DLEC1: variants seen among roughly 807,000 people sequenced by gnomAD.
DLEC1 encodes the protein DLEC1 cilia and flagella associated protein.
In DLEC1, 146 loss-of-function variants were observed where a neutral mutation model predicts 198.1. That is an observed-to-expected ratio of 0.74 (90% CI 0.64 to 0.85). The LOEUF is 0.85. Among genes scored for constraint, DLEC1 ranks in the 40% least tolerant of loss-of-function variants. The probability of loss-of-function intolerance (pLI) is 0.00; values close to 1 mark genes in which losing one functional copy is unlikely to be tolerated. For synonymous variants in DLEC1, 897 were observed against 866.8 expected (o/e 1.03, Z -0.61); for missense variants, 2,233 against 2,220.0 (o/e 1.01, Z -0.12).
At chr3:38,043,486 C>T (rs748583717) in intron 1 of DLEC1, among the ~76,000 whole-genome samples, 2 of 152,204 alleles carry the variant, frequency 1.3e-5, no homozygotes, top group African/African-American at 2.4e-5. Flanking sequence ...AGGCCACTGT[C>T]TCCTGAAAAA....
Position 38,100,286 on chromosome 3 carries a change from G to A in DLEC1, c.2725G>A (p.Val909Met). The change falls in exon 19 of 37, where the codon GTG becomes ATG. Residue 909 changes from valine (V) to methionine (M), a missense_variant and splice_region_variant. Coordinates refer to ENST00000308059, the MANE Select transcript of DLEC1 (RefSeq NM_007335.4). ...PVSLQERPED[V>M]SPFDIEPSSG... Reference sequence around the variant, plus strand: ...TCCTCCTGAGTGTTCTCCGGGGCAGGTGTCTCCCTTCGACATTGAGCCTTC... The same window carrying A: ...TCCTCCTGAGTGTTCTCCGGGGCAGATGTCTCCCTTCGACATTGAGCCTTC... 5.0e-6 allele frequency: 8 copies of A among 1,608,432 alleles called. No individual in the cohort carries two copies. Among genetic ancestry groups the A allele is most frequent in the Non-Finnish European group, 6.8e-6 (8 of 1,177,910 alleles).
chr3:38,077,356 C>G (rs1397774944), intron 6 of DLEC1, among the ~76,000 whole-genome samples: 2 of 152,166 alleles, frequency 1.3e-5, no homozygotes, highest in Non-Finnish European at 2.9e-5. Context: ...TGGAATGAGA[C>G]TGGGACCTAA....
At chr3:38,061,927 T>G (rs1696708373) in intron 3 of DLEC1, among the ~76,000 whole-genome samples, 1 of 152,226 alleles carries the variant, frequency 6.6e-6, no homozygotes, top group African/African-American at 2.4e-5. Flanking sequence ...TGCTCCCACC[T>G]TGGCCTCCCA....
chr3:38,119,340 T>C (rs1404907428), intron 33 of DLEC1, among the ~76,000 whole-genome samples: 2 of 151,980 alleles, frequency 1.3e-5, no homozygotes, highest in African/African-American at 4.8e-5. Context: ...TGTGGTGGCA[T>C]TTTGTCTCAG....
intron 4 of DLEC1, 32 bp downstream of exon 4, chr3:38,062,400 TG>T: frequency 6.2e-7 from 1 of 1,613,236 alleles, no homozygotes; most frequent in Non-Finnish European, 8.5e-7. Context: ...GAGCAGTGTT[TG>T]GGGGGACAGA....
intron 13 of DLEC1, chr3:38,095,467 G>A (rs182101682): frequency 1.1e-4 from 35 of 304,872 alleles, no homozygotes; most frequent in East Asian, 8.4e-4. Context: ...TGTGGGCCAC[G>A]GTAGGCTAGA....
chr3:38,103,488 T>C (rs745806841), intron 19 of DLEC1: 8 of 152,264 alleles, frequency 5.3e-5, no homozygotes, highest in Non-Finnish European at 1.0e-4. Context: ...TATTTTCTTT[T>C]CCTTGTTTGC....
intron 3 of DLEC1, among the ~76,000 whole-genome samples, chr3:38,060,660 A>G (rs1235600485): frequency 6.6e-6 from 1 of 151,772 alleles, no homozygotes; most frequent in Non-Finnish European, 1.5e-5. Flanking sequence ...AGAAAGAGGT[A>G]GCAGAATCAA....
rs1317257899 is a variant in DLEC1 at position 38,116,547 on chromosome 3, G to T, written c.3951G>T (p.Arg1317=). 1.2e-6 allele frequency: 2 copies of T among 1,614,146 alleles called. No individual in the cohort carries two copies. The highest frequency in any genetic ancestry group is 8.5e-7 in the Non-Finnish European group (1 of 1,180,000). The change falls in exon 28 of 37, where the codon CGG becomes CGT. Residue 1317 remains arginine, a synonymous_variant. Transcript: ENST00000308059. The part of the protein sequence containing the change: ...LVFYGPPFPL[R]DQAGNELVCP... ...TTTATGGGCCACCTTTCCCGCTGCG[G>T]GACCAAGCCGGGAATGAGCTTGTGT...
chr3:38,084,503 GGTAGTA>G (rs878880471), intron 7 of DLEC1, among the ~76,000 whole-genome samples: 6 of 8,066 alleles, frequency 7.4e-4, no homozygotes, highest in East Asian at 7.7e-3. Context: ...TAGTAGTAGT[GGTAGTA>G]GTAGTAGTGG....
rs765996626 is a variant in DLEC1, at chr3:38,039,301, C to G, written c.76C>G (p.Pro26Ala). 3 of 1,614,200 alleles carry G rather than the reference C, an allele frequency of 1.9e-6. No individual in the cohort carries two copies. The Admixed American group carries it at 5.0e-5, about 27-fold the overall frequency. ...TNECQGTMWA[P>A]TSPPAGSSSP... ...CGAGTGCCAGGGGACAATGTGGGCG[C>G]CAACTTCGCCACCAGCCGGGTCCAG... Residue 26 changes from proline to alanine, a missense_variant, in exon 1 of 37, where the codon CCA (proline) becomes GCA (alanine). Pro to Ala is a conservative substitution (Grantham distance 27). Coordinates refer to ENST00000308059, the MANE Select transcript of DLEC1 (RefSeq NM_007335.4).
chr3:38,052,352 A>G, intron 2 of DLEC1: 1 of 336,714 alleles, frequency 3.0e-6, no homozygotes, highest in South Asian at 3.1e-5. Flanking sequence ...CTCTATGAGA[A>G]TGACTGCATC....
At chr3:38,078,334 A>G (rs968596608) in intron 6 of DLEC1, among the ~76,000 whole-genome samples, 4 of 152,218 alleles carry the variant, frequency 2.6e-5, no homozygotes, top group Non-Finnish European at 5.9e-5. Context: ...TAGGGCTTCT[A>G]AAAGTATTAA....
At position 38,123,068 on chromosome 3, in the gene DLEC1, G is replaced by A. The variant is rs754553943; in HGVS notation, c.*656G>A. ...TCACTCAGTTCCCAGGGTATTCAAA[G>A]ACGGCAGCGGCTCCCATTCCAGTCC... On this transcript the variant is annotated 3_prime_UTR_variant, in exon 37 of 37. Coordinates refer to ENST00000308059, the MANE Select transcript of DLEC1 (RefSeq NM_007335.4). The A allele has an allele frequency of 3.7e-6, 6 of 1,614,152 alleles. No homozygotes were observed. The highest frequency in any genetic ancestry group is 3.4e-6 in the Non-Finnish European group (4 of 1,180,034).
At position 38,095,011 on chromosome 3, in the gene DLEC1, A is replaced by G. The variant is rs538061807; in HGVS notation, c.2052A>G (p.Arg684=). The change falls in exon 13 of 37, where the codon AGA becomes AGG. Residue 684 remains arginine, a synonymous_variant. Coordinates refer to ENST00000308059, the MANE Select transcript of DLEC1 (RefSeq NM_007335.4). ...AGACTGCCTTCTCCATCATGCCCAGAAAGGGGGTTCTAAGCCCCCACACAG... is the reference window on the plus strand; with the variant it reads ...AGACTGCCTTCTCCATCATGCCCAGGAAGGGGGTTCTAAGCCCCCACACAG... ...DKETAFSIMP[R]KGVLSPHTDH... is the part of the protein sequence containing the mutation. 1 of 1,614,182 alleles carries G rather than the reference A, an allele frequency of 6.2e-7. No homozygotes were observed. Among genetic ancestry groups the G allele is most frequent in the East Asian group, 2.2e-5 (1 of 44,882 alleles).
In DLEC1 at chr3:38,045,639, G is replaced by C; in HGVS notation, c.508G>C (p.Val170Leu). 6.2e-7 allele frequency: 1 copy of C among 1,614,118 alleles called. No individual in the cohort carries two copies. Among genetic ancestry groups the C allele is most frequent in the South Asian group, 1.1e-5 (1 of 91,080 alleles). Reference protein sequence around the residue: ...QARAIAENERVMSQAGVQDLE... With the variant: ...QARAIAENERLMSQAGVQDLE... ...ACGGGCTATTGCGGAAAATGAGCGG[G>C]TCATGAGCCAGGCTGGAGTACAGGA... The change falls in exon 2 of 37, where the codon GTC becomes CTC. Residue 170 changes from valine to leucine, a missense_variant. Physicochemically the swap from Val to Leu is conservative, Grantham distance 32 (BLOSUM62 1). Coordinates refer to ENST00000308059, the MANE Select transcript of DLEC1 (RefSeq NM_007335.4).
intron 6 of DLEC1, among the ~76,000 whole-genome samples, chr3:38,067,070 C>CTCAG (rs1221618357): frequency 6.6e-6 from 1 of 152,196 alleles, no homozygotes; most frequent in East Asian, 1.9e-4. Flanking sequence ...GAAGCCTGTG[C>CTCAG]TCAGAGCCTG....
intron 2 of DLEC1, among the ~76,000 whole-genome samples, chr3:38,053,766 G>A (rs1027698898): frequency 6.6e-6 from 1 of 152,216 alleles, no homozygotes; most frequent in Non-Finnish European, 1.5e-5. Flanking sequence ...GGGGAAATGT[G>A]GGGAAAAGAT....
At chr3:38,116,398 G>A (rs533995588) in intron 27 of DLEC1, 55 bp from the exon 28 acceptor site, 177 of 1,590,304 alleles carry the variant, frequency 1.1e-4, no homozygotes, top group African/African-American at 9.0e-4. Flanking sequence ...AGGGGGCCCC[G>A]GGGGGTTGTC....
Sources: allele counts gnomAD v4.1 joint callset (sites outside exome capture counted in the v4.1 genomes callset), GRCh38; gene constraint gnomAD v4.1.1; transcripts MANE v1.5; gene names NCBI Gene and HGNC (gene_info 2026-07-23, HGNC 2026-07-21).